NR1D2: variants seen among roughly 807,000 people sequenced by gnomAD.
NR1D2 encodes the protein nuclear receptor subfamily 1 group D member 2, also known as V-erbA-related protein 1-related.
A neutral mutation model predicts 52.2 loss-of-function variants in NR1D2; 25 were observed. That is an observed-to-expected ratio of 0.48 (90% CI 0.35 to 0.67). The LOEUF is 0.67. Among genes scored for constraint, NR1D2 ranks in the 30% least tolerant of loss-of-function variants. The probability of loss-of-function intolerance (pLI) is 0.01; values close to 1 mark genes in which losing one functional copy is unlikely to be tolerated. For synonymous variants in NR1D2, 259 were observed against 230.1 expected (o/e 1.13, Z -1.14); for missense variants, 681 against 707.2 (o/e 0.96, Z 0.42).
At chr3:23,960,220 G>A (rs1706200874) in intron 4 of NR1D2, among the ~76,000 whole-genome samples, 1 of 152,094 alleles carries the variant, frequency 6.6e-6, no homozygotes, top group South Asian at 2.1e-4. Context: ...ACCAGCCATG[G>A]TGAAACCCCA....
intron 7 of NR1D2, among the ~76,000 whole-genome samples, chr3:23,973,537 G>A (rs1706645532): frequency 1.3e-5 from 2 of 152,176 alleles, no homozygotes; most frequent in Non-Finnish European, 2.9e-5. Context: ...GCAGCTTACA[G>A]GACTGGAAGT....
At position 23,979,496 on chromosome 3, in the gene NR1D2, AT is replaced by A. The variant is rs1368791341; in HGVS notation, c.*2078del. 6.6e-6 allele frequency: 1 copy of A among 152,084 alleles called. No homozygotes were observed. The highest frequency in any genetic ancestry group is 1.5e-5 in the Non-Finnish European group (1 of 67,936). The allele number at this position is 152,084 out of a possible 1,614,324, so 9.4% of individuals were successfully genotyped here. A position where few individuals can be genotyped will look rare whatever the true frequency, so the allele number is the denominator to read the frequency against. On this transcript the variant is annotated 3_prime_UTR_variant, in exon 8 of 8. Transcript: ENST00000312521. ...CTTTAAAACAATTAAGTCTTTAGGA[AT>A]GTGTAACCAGAACTATGTTAGTATT...
Position 23,977,270 on chromosome 3 carries a change from A to G in NR1D2, c.1591A>G (p.Thr531Ala). ...CAACTCTGTGGAGGCTTTGCAGGAA[A>G]CTCTCATTCGTGCACTAAGGACCTT... The part of the protein sequence containing the change: ...NVNSVEALQE[T>A]LIRALRTLIM... The change falls in exon 8 of 8, where the codon ACT becomes GCT. Residue 531 changes from threonine to alanine, a missense_variant. Coordinates refer to ENST00000312521, the MANE Select transcript of NR1D2 (RefSeq NM_005126.5). 1.2e-6 allele frequency: 2 copies of G among 1,609,662 alleles called. No homozygotes were observed. Among genetic ancestry groups the G allele is most frequent in the East Asian group, 2.2e-5 (1 of 44,820 alleles).
intron 5 of NR1D2, among the ~76,000 whole-genome samples, chr3:23,963,741 G>A (rs1706361031): frequency 6.6e-6 from 1 of 152,046 alleles, no homozygotes; most frequent in South Asian, 2.1e-4. Flanking sequence ...GAGTCACCAC[G>A]CCTGGCCAAG....
At chr3:23,956,006 A>C (rs372780630) in intron 2 of NR1D2, 31 bp from the exon 3 acceptor site, 8 of 1,508,252 alleles carry the variant, frequency 5.3e-6, no homozygotes, top group African/African-American at 2.7e-5. Context: ...GTTTCCTCCT[A>C]CTTTTTACTT....
In NR1D2 at chr3:23,952,725, C is replaced by CAAAA. The variant is rs35053426; in HGVS notation, c.17-1799_17-1796dup. ...TGGACAACAGAGTGAGACTCCATCTCAAAAAAAAAAAAAAAATCGTGTCTG... is the reference window on the plus strand; with the variant it reads ...TGGACAACAGAGTGAGACTCCATCTCAAAAAAAAAAAAAAAAAAAATCGTGTCTG... On this transcript the variant is annotated intron_variant, in intron 1 of 7. Transcript: ENST00000312521. 6.4e-3 allele frequency among the ~76,000 whole-genome samples: 762 copies of CAAAA among 118,498 alleles called. 9 individuals are homozygous for CAAAA. Among genetic ancestry groups the CAAAA allele is most frequent in the African/African-American group, 0.021 (706 of 33,178 alleles). 77.7% of individuals were successfully genotyped at this position (118,498 alleles called of 152,430 possible).
chr3:23,960,772 C>A (rs1706215597), intron 4 of NR1D2, among the ~76,000 whole-genome samples: 1 of 152,146 alleles, frequency 6.6e-6, no homozygotes, highest in Admixed American at 6.5e-5. Flanking sequence ...ATAAAACTGA[C>A]AATCATTTGT....
intron 5 of NR1D2, 53 bp from the exon 6 acceptor site, chr3:23,964,924 A>G: frequency 1.6e-6 from 2 of 1,244,346 alleles, no homozygotes; most frequent in Non-Finnish European, 2.3e-6. Context: ...TGCTTTTGAC[A>G]TTTCTTTACC....
At chr3:23,951,178 T>C (rs1383378732) in intron 1 of NR1D2, among the ~76,000 whole-genome samples, 1 of 152,218 alleles carries the variant, frequency 6.6e-6, no homozygotes, top group Admixed American at 6.5e-5. Flanking sequence ...GTGCTGAGGT[T>C]ACAGGCGTGA....
rs1330924333 is a variant in NR1D2, at chr3:23,978,056, T to A, written c.*637T>A. The A allele has an allele frequency of 6.6e-6, 1 of 152,180 alleles. No individual in the cohort carries two copies. Among genetic ancestry groups the A allele is most frequent in the Non-Finnish European group, 1.5e-5 (1 of 68,026 alleles). 9.4% of individuals were successfully genotyped at this position (152,180 alleles called of 1,614,324 possible). A position where few individuals can be genotyped will look rare whatever the true frequency, so the allele number is the denominator to read the frequency against. ...GGCACTATGTAAATAAGGTAAAATT[T>A]CTGTTATTACAATTATTCATAATAA... On this transcript the variant is annotated 3_prime_UTR_variant, in exon 8 of 8. Coordinates refer to ENST00000312521, the MANE Select transcript of NR1D2 (RefSeq NM_005126.5).
intron 1 of NR1D2, among the ~76,000 whole-genome samples, chr3:23,950,193 A>G (rs1030289043): frequency 2.0e-5 from 3 of 152,246 alleles, no homozygotes; most frequent in Non-Finnish European, 4.4e-5. Flanking sequence ...CAGTCTTGTA[A>G]TAAGTGGCAG....
chr3:23,965,464 C>T (rs1489221975), intron 6 of NR1D2, among the ~76,000 whole-genome samples: 1 of 149,242 alleles, frequency 6.7e-6, no homozygotes, highest in Admixed American at 6.7e-5. Context: ...CCAGGCTGGT[C>T]TCAAACTCCT....
At chr3:23,949,680 C>G (rs766811673) in intron 1 of NR1D2, among the ~76,000 whole-genome samples, 3 of 152,244 alleles carry the variant, frequency 2.0e-5, no homozygotes, top group Non-Finnish European at 4.4e-5. Context: ...TAGATCTACT[C>G]TACCACCCTT....
intron 1 of NR1D2, among the ~76,000 whole-genome samples, chr3:23,950,607 A>T (rs1044485277): frequency 6.6e-6 from 1 of 152,230 alleles, no homozygotes; most frequent in Non-Finnish European, 1.5e-5. Flanking sequence ...ATAGATGCCA[A>T]GACAACTAAA....
intron 1 of NR1D2, among the ~76,000 whole-genome samples, chr3:23,947,994 T>A (rs1376256112): frequency 1.3e-5 from 2 of 152,018 alleles, no homozygotes; most frequent in East Asian, 3.9e-4. Flanking sequence ...GGTGGGCTCC[T>A]GTAATCCCAG....
chr3:23,965,800 A>C (rs78237916), intron 6 of NR1D2, among the ~76,000 whole-genome samples: 1,894 of 152,282 alleles, frequency 0.012, 35 homozygotes, highest in African/African-American at 0.043. Context: ...GCAGTGTTAG[A>C]CACCTCCTGA....
chr3:23,957,487 C>T (rs1227823687), intron 3 of NR1D2, among the ~76,000 whole-genome samples: 2 of 135,476 alleles, frequency 1.5e-5, no homozygotes, highest in African/African-American at 2.8e-5. Flanking sequence ...GAGGCCGAGG[C>T]GGGCGGATCA....
In NR1D2 at chr3:23,967,926, G is replaced by C. The variant is rs369670854; in HGVS notation, c.1446G>C (p.Leu482=). The C allele has an allele frequency of 1.2e-6, 2 of 1,614,022 alleles. No homozygotes were observed. The highest frequency in any genetic ancestry group is 1.7e-6 in the Non-Finnish European group (2 of 1,179,922). ...DDLHSMGAGD[L]LNSMFEFSEK... Reference sequence around the variant, plus strand: ...TACACTCAATGGGAGCAGGGGATCTGCTAAACTCTATGTTTGAATTTAGTG... The same window carrying C: ...TACACTCAATGGGAGCAGGGGATCTCCTAAACTCTATGTTTGAATTTAGTG... Residue 482 remains leucine, a synonymous_variant, in exon 7 of 8, where the codon CTG becomes CTC. Transcript: ENST00000312521.
chr3:23,978,618 C>T lies in NR1D2; in HGVS notation c.*1199C>T, dbSNP rs993237036. 2 of 152,072 alleles carry T rather than the reference C, an allele frequency of 1.3e-5. No homozygotes were observed. Among genetic ancestry groups the T allele is most frequent in the African/African-American group, 4.8e-5 (2 of 41,418 alleles). The allele number at this position is 152,072 out of a possible 1,614,324, so 9.4% of individuals were successfully genotyped here. ...TGCATTGCTGCCCCTTATACACATG[C>T]TGCAGCTTGATGTTAAAGAATTTTT... On this transcript the variant is annotated 3_prime_UTR_variant, in exon 8 of 8. Transcript: ENST00000312521.
Sources: allele counts gnomAD v4.1 joint callset (sites outside exome capture counted in the v4.1 genomes callset), GRCh38; gene constraint gnomAD v4.1.1; transcripts MANE v1.5; gene names NCBI Gene and HGNC (gene_info 2026-07-23, HGNC 2026-07-21).